PAQR8: variants seen among roughly 807,000 people sequenced by gnomAD.
The protein encoded by PAQR8 is progestin and adipoQ receptor family member 8.
Under a neutral mutation model 25.2 loss-of-function variants are expected in PAQR8, and 17 were observed. The observed-to-expected ratio is 0.67, with a 90% CI of 0.46 to 1.01. PAQR8 has a LOEUF of 1.01. PAQR8 is among the 50% of genes least tolerant of loss of function. The pLI is 0.00. For synonymous variants in PAQR8, 204 were observed against 190.6 expected, an observed-to-expected ratio of 1.07 and a Z score of -0.58; for missense variants, 392 against 448.4, an observed-to-expected ratio of 0.87 and a Z score of 1.14.
At chr6:52,400,606 GCT>G (rs1199304078) in intron 1 of PAQR8, among the ~76,000 whole-genome samples, 8 of 152,188 alleles carry the variant, frequency 5.3e-5, no homozygotes, top group Non-Finnish European at 1.0e-4. Flanking sequence ...CTTTGACCTT[GCT>G]CTCTGCCTAG....
At chr6:52,392,014 T>C (rs1048264118) in intron 1 of PAQR8, among the ~76,000 whole-genome samples, 1 of 152,142 alleles carries the variant, frequency 6.6e-6, no homozygotes, top group South Asian at 2.1e-4. Flanking sequence ...TTAGAGCTTA[T>C]ATAGATTACA....
chr6:52,370,917 A>G (rs1763410711), intron 1 of PAQR8, among the ~76,000 whole-genome samples: 2 of 152,166 alleles, frequency 1.3e-5, no homozygotes, highest in African/African-American at 4.8e-5. Flanking sequence ...CCCTTTTGCA[A>G]TTGGGTGTTT....
At chr6:52,397,799 G>T (rs560810722) in intron 1 of PAQR8, among the ~76,000 whole-genome samples, 1 of 152,356 alleles carries the variant, frequency 6.6e-6, no homozygotes, top group African/African-American at 2.4e-5. Context: ...AGGTAGGAGG[G>T]TGTGGGAACA....
chr6:52,377,009 G>C (rs537690965), intron 1 of PAQR8, among the ~76,000 whole-genome samples: 2 of 152,258 alleles, frequency 1.3e-5, no homozygotes, highest in East Asian at 3.9e-4. Context: ...CAGCCCATGT[G>C]ATCTATGGAC....
chr6:52,376,787 A>G lies in PAQR8; in HGVS notation c.-53+14538A>G, dbSNP rs545904525. On this transcript the variant is annotated intron_variant, in intron 1 of 1. Coordinates refer to ENST00000442253, the MANE Select transcript of PAQR8 (RefSeq NM_133367.5). Reference sequence around the variant, plus strand: ...GATGTCATATAAAAAGAGGCCCCCCAAATCATCATTTGCTTGTTATTTGGG... The same window carrying G: ...GATGTCATATAAAAAGAGGCCCCCCGAATCATCATTTGCTTGTTATTTGGG... Among the ~76,000 whole-genome samples, 4 of 152,282 alleles carry G rather than the reference A, an allele frequency of 2.6e-5. No homozygotes were observed. In the South Asian group the frequency reaches 8.3e-4, roughly 32 times the overall value.
intron 1 of PAQR8, among the ~76,000 whole-genome samples, chr6:52,376,676 T>C (rs1763488512): frequency 2.0e-5 from 3 of 152,220 alleles, no homozygotes; most frequent in Admixed American, 2.0e-4. Context: ...TTGTATACTT[T>C]TGTCTAGTGA....
chr6:52,401,732 TA>T (rs1464380515), intron 1 of PAQR8, among the ~76,000 whole-genome samples: 1 of 152,214 alleles, frequency 6.6e-6, no homozygotes, highest in Non-Finnish European at 1.5e-5. Flanking sequence ...TTGCCTGTCT[TA>T]AATATGAGGC....
chr6:52,368,780 A>G (rs1460830087), intron 1 of PAQR8, among the ~76,000 whole-genome samples: 1 of 152,024 alleles, frequency 6.6e-6, no homozygotes, highest in African/African-American at 2.4e-5. Flanking sequence ...TTTTTAACAG[A>G]TGAAGAGTGA....
At position 52,405,663 on chromosome 6, in the gene PAQR8, G is replaced by A. The variant is rs1763899320; in HGVS notation, c.*1385G>A. 1 of 167,038 alleles carries A rather than the reference G, an allele frequency of 6.0e-6. No homozygotes were observed. Among genetic ancestry groups the A allele is most frequent in the Non-Finnish European group, 1.5e-5 (1 of 68,096 alleles). 10.3% of individuals were successfully genotyped at this position (167,038 alleles called of 1,614,324 possible). A position where few individuals can be genotyped will look rare whatever the true frequency, so the allele number is the denominator to read the frequency against. On this transcript the variant is annotated 3_prime_UTR_variant, in exon 2 of 2. Transcript: ENST00000442253. ...GAGGCAATGATTCCTGTCAGTATGA[G>A]GTCCCTTAGTTACTAAAAAGGGACA...
Position 52,403,627 on chromosome 6 carries a change from C to T in PAQR8, c.414C>T (p.Leu138=). The T allele has an allele frequency of 6.2e-7, 1 of 1,614,182 alleles. No individual in the cohort carries two copies. Among genetic ancestry groups the T allele is most frequent in the Non-Finnish European group, 8.5e-7 (1 of 1,180,044 alleles). The change falls in exon 2 of 2, where the codon CTC becomes CTT. Residue 138 remains leucine (L), a synonymous_variant. Transcript: ENST00000442253. ...LAHLLQSKSE[L]SHYTFYFVDY... ...ACCTGCTGCAGTCCAAGTCAGAGCTCTCCCACTACACCTTCTACTTTGTGG... is the reference window on the plus strand; with the variant it reads ...ACCTGCTGCAGTCCAAGTCAGAGCTTTCCCACTACACCTTCTACTTTGTGG...
chr6:52,406,950 G>T lies in PAQR8; in HGVS notation c.*2672G>T, dbSNP rs778234682. ...CCCTCAGAATATCAGAATCTTCTTA[G>T]AAATAAACTAGGAAATGCAGATGTT... On this transcript the variant is annotated 3_prime_UTR_variant, in exon 2 of 2. Transcript: ENST00000442253. 59 of 180,698 alleles carry T rather than the reference G, an allele frequency of 3.3e-4. No homozygotes were observed. The highest frequency in any genetic ancestry group is 6.5e-5 in the Non-Finnish European group (5 of 77,404). The allele number at this position is 180,698 out of a possible 1,614,324, so 11.2% of individuals were successfully genotyped here. A position where few individuals can be genotyped will look rare whatever the true frequency, so the allele number is the denominator to read the frequency against.
At chr6:52,369,772 A>G (rs375681982) in intron 1 of PAQR8, among the ~76,000 whole-genome samples, 3 of 152,242 alleles carry the variant, frequency 2.0e-5, no homozygotes, top group African/African-American at 7.2e-5. Context: ...TATATTTTCC[A>G]TGGTGAATTC....
At chr6:52,397,452 C>T (rs777377780) in intron 1 of PAQR8, among the ~76,000 whole-genome samples, 42 of 152,172 alleles carry the variant, frequency 2.8e-4, no homozygotes, top group Non-Finnish European at 5.0e-4. Context: ...TTCTATAGAT[C>T]TATTTGTATT....
intron 1 of PAQR8, among the ~76,000 whole-genome samples, chr6:52,372,965 C>G (rs1763437583): frequency 6.6e-6 from 1 of 152,162 alleles, no homozygotes; most frequent in Admixed American, 6.5e-5. Flanking sequence ...CCTGGTCACC[C>G]AACTTGTAAC....
chr6:52,379,096 C>CAAAAAAAAAAA (rs70977347), intron 1 of PAQR8, among the ~76,000 whole-genome samples: 1 of 93,000 alleles, frequency 1.1e-5, no homozygotes, highest in Admixed American at 1.2e-4. Context: ...TACTCTTTAT[C>CAAAAAAAAAAA]AAAAAAAAAA....
At chr6:52,393,519 T>C (rs1418611071) in intron 1 of PAQR8, among the ~76,000 whole-genome samples, 1 of 151,798 alleles carries the variant, frequency 6.6e-6, no homozygotes, top group African/African-American at 2.4e-5. Context: ...AATTTAGAGA[T>C]AGAGTCTTGC....
chr6:52,380,432 G>A (rs1157022046), intron 1 of PAQR8, among the ~76,000 whole-genome samples: 1 of 152,238 alleles, frequency 6.6e-6, no homozygotes, highest in East Asian at 1.9e-4. Flanking sequence ...AGGCAGTCAG[G>A]TAGCACTTCA....
At position 52,404,484 on chromosome 6, in the gene PAQR8, G is replaced by T; in HGVS notation, c.*206G>T. Reference sequence around the variant, plus strand: ...ATACTCCTTTTCCTTTTGGATCATAGCTTAACAAGGCACAGGAAGGGAAGG... The same window carrying T: ...ATACTCCTTTTCCTTTTGGATCATATCTTAACAAGGCACAGGAAGGGAAGG... On this transcript the variant is annotated 3_prime_UTR_variant, in exon 2 of 2. Transcript: ENST00000442253. 1.9e-6 allele frequency: 1 copy of T among 528,224 alleles called. No homozygotes were observed. 32.7% of individuals were successfully genotyped at this position (528,224 alleles called of 1,614,324 possible).
At chr6:52,368,369 C>T (rs957530482) in intron 1 of PAQR8, among the ~76,000 whole-genome samples, 1 of 152,066 alleles carries the variant, frequency 6.6e-6, no homozygotes, top group East Asian at 1.9e-4. Flanking sequence ...CTAGCCCCAC[C>T]CCAGACCATT....
Sources: gnomAD v4.1 joint callset for allele counts (sites outside exome capture counted in the v4.1 genomes callset) on GRCh38, gnomAD v4.1.1 for gene constraint, MANE v1.5 for transcripts, NCBI Gene and HGNC (gene_info 2026-07-23, HGNC 2026-07-21) for gene names.